STK3: variants seen among roughly 807,000 people sequenced by gnomAD.
The protein encoded by STK3 is serine/threonine-protein kinase 3.
Under a neutral mutation model 58.0 loss-of-function variants are expected in STK3, and 41 were observed. That is an observed-to-expected ratio of 0.71 (90% CI 0.55 to 0.92). The LOEUF is 0.92. STK3 is among the 40% of genes least tolerant of loss of function. The pLI is 0.00. For missense variants in STK3, 479 were observed against 602.7 expected, an observed-to-expected ratio of 0.79 and a Z score of 2.15; for synonymous variants, 170 against 191.0, an observed-to-expected ratio of 0.89 and a Z score of 0.91.
At chr8:98,867,582 A>G (rs76356083) in intron 3 of STK3, among the ~76,000 whole-genome samples, 10 of 152,140 alleles carry the variant, frequency 6.6e-5, no homozygotes, top group Admixed American at 4.6e-4. Flanking sequence ...AAAAAAAAAA[A>G]GCTGGAGACA....
intron 2 of STK3, 149 bp downstream of exon 2, chr8:98,774,590 T>C: frequency 2.0e-6 from 1 of 504,142 alleles, no homozygotes; most frequent in African/African-American, 2.0e-5. Flanking sequence ...CAAACTAATC[T>C]TTAAAATTCA....
At position 98,445,646 on chromosome 8, in the gene STK3, C is replaced by T. The variant is rs143369393; in HGVS notation, n.186-8438G>A. On this transcript the variant is annotated intron_variant and non_coding_transcript_variant, in intron 1 of 3. Transcript: ENST00000517832. ...ATTAAAAATGGAAAATGCTGATGGC[C>T]TCAAGAAGAAAACTGCTGACAAAAA... Among the ~76,000 whole-genome samples the T allele has an allele frequency of 1.5e-3, 235 of 152,092 alleles. 1 individual carries two copies. Among genetic ancestry groups the T allele is most frequent in the African/African-American group, 5.5e-3 (230 of 41,496 alleles).
At chr8:98,729,131 G>A (rs551818440) in intron 4 of STK3, among the ~76,000 whole-genome samples, 1 of 152,154 alleles carries the variant, frequency 6.6e-6, no homozygotes, top group South Asian at 2.1e-4. Flanking sequence ...TGTTTATTGA[G>A]GTGGAGTCTC....
chr8:98,868,878 G>A (rs575008616), intron 3 of STK3, among the ~76,000 whole-genome samples: 1 of 152,218 alleles, frequency 6.6e-6, no homozygotes, highest in East Asian at 1.9e-4. Flanking sequence ...TCGAGAGGCT[G>A]AGGTGGGAGG....
At chr8:98,657,567 T>G (rs1426193733) in intron 6 of STK3, among the ~76,000 whole-genome samples, 7 of 152,018 alleles carry the variant, frequency 4.6e-5, no homozygotes, top group Non-Finnish European at 1.0e-4. Context: ...ATAAATACAT[T>G]AAAATATTTG....
At chr8:98,770,436 T>G (rs1587570334) in intron 2 of STK3, among the ~76,000 whole-genome samples, 2 of 152,316 alleles carry the variant, frequency 1.3e-5, no homozygotes, top group East Asian at 3.9e-4. Context: ...AGAAATGTAC[T>G]GATATGGATG....
At chr8:98,653,259 A>T (rs952665242) in intron 6 of STK3, among the ~76,000 whole-genome samples, 1 of 152,246 alleles carries the variant, frequency 6.6e-6, no homozygotes, top group Non-Finnish European at 1.5e-5. Context: ...ATGAAGGCAG[A>T]AATAAAGACG....
intron 8 of STK3, among the ~76,000 whole-genome samples, chr8:98,568,114 C>T (rs374566645): frequency 7.9e-6 from 1 of 126,260 alleles, no homozygotes; most frequent in Non-Finnish European, 1.7e-5. Context: ...GATAGATAGA[C>T]TGATTTAAAA....
chr8:98,612,249 T>C (rs1010867339), intron 6 of STK3, among the ~76,000 whole-genome samples: 13 of 150,650 alleles, frequency 8.6e-5, no homozygotes, highest in African/African-American at 7.3e-5. Flanking sequence ...ATGGACATTA[T>C]GAATAAACAA....
intron 7 of STK3, among the ~76,000 whole-genome samples, chr8:98,593,685 C>T (rs1308528135): frequency 6.6e-6 from 1 of 152,186 alleles, no homozygotes; most frequent in South Asian, 2.1e-4. Flanking sequence ...TGAGGCAGGA[C>T]AGTTTAATCC....
intron 10 of STK3, among the ~76,000 whole-genome samples, chr8:98,458,762 C>T (rs767814718): frequency 1.1e-4 from 17 of 152,184 alleles, no homozygotes; most frequent in Non-Finnish European, 1.8e-4. Flanking sequence ...TTCAATCTCA[C>T]TCTGCTCTCC....
chr8:98,903,676 T>C (rs1417044012), intron 1 of STK3, among the ~76,000 whole-genome samples: 1 of 151,962 alleles, frequency 6.6e-6, no homozygotes, highest in Non-Finnish European at 1.5e-5. Flanking sequence ...AACACTGCAT[T>C]ACAGATGTGA....
chr8:98,819,487 T>C (rs1286451775), intron 1 of STK3, among the ~76,000 whole-genome samples: 1 of 152,088 alleles, frequency 6.6e-6, no homozygotes, highest in Non-Finnish European at 1.5e-5. Flanking sequence ...CCTAAAGCAA[T>C]CCTAATCAAG....
intron 1 of STK3, among the ~76,000 whole-genome samples, chr8:98,887,367 A>C (rs1838030049): frequency 6.6e-6 from 1 of 152,204 alleles, no homozygotes; most frequent in Non-Finnish European, 1.5e-5. Flanking sequence ...AGTATAATGC[A>C]AATATTCCAA....
chr8:98,747,665 G>T (rs908876642), intron 4 of STK3, among the ~76,000 whole-genome samples: 2 of 152,156 alleles, frequency 1.3e-5, no homozygotes, highest in African/African-American at 4.8e-5. Context: ...CACTAGAAAA[G>T]AAAGATACAA....
intron 1 of STK3, among the ~76,000 whole-genome samples, chr8:98,383,487 G>T (rs1176290942): frequency 6.6e-6 from 1 of 152,208 alleles, no homozygotes; most frequent in Non-Finnish European, 1.5e-5. Flanking sequence ...AGCTGATTTT[G>T]CCTCTTGTGA....
rs141738591 is a variant in STK3, at chr8:98,850,332, A to G, written c.110+33315T>C. On this transcript the variant is annotated intron_variant, in intron 3 of 12. Coordinates refer to the STK3 transcript ENST00000523601. The stretch of plus-strand genomic sequence containing the variant: ...GGGACTACAGTCAACATGCCACTAC[A>G]CTTGTATTTAAATGTTTACTGTGAG... 1.3e-3 allele frequency among the ~76,000 whole-genome samples: 202 copies of G among 152,232 alleles called. 2 individuals carry two copies. The Middle Eastern group carries it at 0.014, about 10-fold the overall frequency.
At chr8:98,691,704 T>C (rs912273281) in intron 6 of STK3, among the ~76,000 whole-genome samples, 2 of 151,500 alleles carry the variant, frequency 1.3e-5, no homozygotes, top group Non-Finnish European at 1.5e-5. Flanking sequence ...GAAGCCAAGG[T>C]GGGTGAATCA....
At chr8:98,681,993 G>A (rs1162290192) in intron 6 of STK3, among the ~76,000 whole-genome samples, 2 of 152,228 alleles carry the variant, frequency 1.3e-5, no homozygotes, top group Non-Finnish European at 2.9e-5. Flanking sequence ...ATTTCAACAT[G>A]CATTCCCAAG....
Sources: gnomAD v4.1 joint callset for allele counts (sites outside exome capture counted in the v4.1 genomes callset) on GRCh38, gnomAD v4.1.1 for gene constraint, MANE v1.5 for transcripts, NCBI Gene and HGNC (gene_info 2026-07-23, HGNC 2026-07-21) for gene names.